The following CADPS2 variants were observed in gnomAD, a reference collection of about 807,000 sequenced individuals.
CADPS2 encodes the protein calcium dependent secretion activator 2, also known as calcium-dependent secretion activator 2.
A neutral mutation model predicts 172.5 loss-of-function variants in CADPS2; 93 were observed. The observed-to-expected ratio is 0.54, with a 90% CI of 0.46 to 0.64. CADPS2 has a LOEUF of 0.64. Among genes scored for constraint, CADPS2 ranks in the 30% least tolerant of loss-of-function variants. CADPS2 has a pLI of 0.00. For synonymous variants in CADPS2, 546 were observed against 555.2 expected (o/e 0.98, Z 0.23); for missense variants, 1,420 against 1,565.9 (o/e 0.91, Z 1.57).
intron 6 of CADPS2, among the ~76,000 whole-genome samples, chr7:122,588,519 G>A (rs1164011425): frequency 6.6e-6 from 1 of 151,726 alleles, no homozygotes; most frequent in African/African-American, 2.4e-5. Flanking sequence ...TCCAACTCTA[G>A]TTAAATTATC....
At chr7:122,556,199 C>T (rs1179390694) in intron 7 of CADPS2, among the ~76,000 whole-genome samples, 1 of 151,982 alleles carries the variant, frequency 6.6e-6, no homozygotes, top group Admixed American at 6.6e-5. Context: ...TTTACAGATT[C>T]TTTCTTAAGT....
chr7:122,466,177 C>T (rs1420387774), intron 14 of CADPS2, among the ~76,000 whole-genome samples: 1 of 152,150 alleles, frequency 6.6e-6, no homozygotes, highest in African/African-American at 2.4e-5. Flanking sequence ...CTAATATATA[C>T]TAAAAAATTT....
chr7:122,371,349 C>A (rs6949334), intron 25 of CADPS2, among the ~76,000 whole-genome samples: 2 of 152,054 alleles, frequency 1.3e-5, no homozygotes, highest in African/African-American at 2.4e-5. Context: ...GAGGCCTTAG[C>A]AAACTTACAA....
intron 14 of CADPS2, among the ~76,000 whole-genome samples, chr7:122,454,580 T>C (rs1035519605): frequency 2.6e-5 from 4 of 152,282 alleles, no homozygotes; most frequent in Middle Eastern, 3.4e-3. Context: ...TAAAAACCAA[T>C]GACATTTAAA....
At chr7:122,339,600 G>A (rs190937707) in intron 28 of CADPS2, among the ~76,000 whole-genome samples, 60 of 152,240 alleles carry the variant, frequency 3.9e-4, no homozygotes, top group African/African-American at 1.3e-3. Flanking sequence ...CAAAAGTTCC[G>A]GGCAGGCCGG....
At chr7:122,676,539 A>C (rs2082400300) in intron 2 of CADPS2, 1 of 559,896 alleles carries the variant, frequency 1.8e-6, no homozygotes, top group South Asian at 3.2e-5. Context: ...ATGTTCAAGC[A>C]GCAGTTGGAG....
chr7:122,695,573 C>T (rs1312961630), intron 2 of CADPS2, among the ~76,000 whole-genome samples: 1 of 152,160 alleles, frequency 6.6e-6, no homozygotes, highest in African/African-American at 2.4e-5. Context: ...ATGTAAAGTG[C>T]TTAGTCCTCT....
chr7:122,617,956 T>C (rs1587870429), intron 5 of CADPS2, among the ~76,000 whole-genome samples: 1 of 151,306 alleles, frequency 6.6e-6, no homozygotes, highest in African/African-American at 2.4e-5. Context: ...GGCAGGAGAA[T>C]GGTGTTAACC....
At chr7:122,543,336 TG>T (rs1363981888) in intron 8 of CADPS2, among the ~76,000 whole-genome samples, 1 of 152,116 alleles carries the variant, frequency 6.6e-6, no homozygotes, top group Non-Finnish European at 1.5e-5. Context: ...TCCATTTCAG[TG>T]GGGCAAGTAA....
chr7:122,730,625 C>T (rs969314316), intron 2 of CADPS2, among the ~76,000 whole-genome samples: 1 of 151,624 alleles, frequency 6.6e-6, no homozygotes, highest in Non-Finnish European at 1.5e-5. Context: ...TTAAAGTATG[C>T]TAATGTCATA....
At chr7:122,494,673 C>T (rs2058591440) in intron 9 of CADPS2, among the ~76,000 whole-genome samples, 1 of 151,464 alleles carries the variant, frequency 6.6e-6, no homozygotes, top group Non-Finnish European at 1.5e-5. Flanking sequence ...TATTTTAAAT[C>T]AGAAAAAAGA....
chr7:122,503,071 G>A (rs911805130), intron 9 of CADPS2, among the ~76,000 whole-genome samples: 32 of 140,570 alleles, frequency 2.3e-4, no homozygotes, highest in Non-Finnish European at 3.2e-4. Flanking sequence ...TCGCTCTGTC[G>A]CCCAGGCTGG....
Position 122,771,825 on chromosome 7 carries a change from C to T in CADPS2, c.340-34757G>A, listed in dbSNP as rs79828080. Among the ~76,000 whole-genome samples the T allele has an allele frequency of 6.4e-3, 974 of 152,254 alleles. 9 individuals are homozygous for T. The highest frequency in any genetic ancestry group is 0.022 in the African/African-American group (928 of 41,542). ...AAGAGAAACTGTGGGTACCTGACAACAGTCCAAGCTGGAAATAACACAGAA... is the reference window on the plus strand; with the variant it reads ...AAGAGAAACTGTGGGTACCTGACAATAGTCCAAGCTGGAAATAACACAGAA... On this transcript the variant is annotated intron_variant, in intron 1 of 29. Coordinates refer to ENST00000449022, the MANE Select transcript of CADPS2 (RefSeq NM_017954.11).
intron 14 of CADPS2, 118 bp downstream of exon 14, chr7:122,471,257 T>C (rs1355022451): frequency 2.2e-6 from 1 of 447,950 alleles, no homozygotes; most frequent in Non-Finnish European, 3.6e-6. Flanking sequence ...TTTTTTTTCC[T>C]TGTAAGAAGT....
In CADPS2 at chr7:122,414,111, G is replaced by A. The variant is rs145831347; in HGVS notation, c.2581-35C>T. The A allele has an allele frequency of 1.4e-3, 2,153 of 1,487,588 alleles. 16 individuals are homozygous for A. The African/African-American group carries it at 0.02, about 14-fold the overall frequency. 92.1% of individuals were successfully genotyped at this position (1,487,588 alleles called of 1,614,324 possible). A position where few individuals can be genotyped will look rare whatever the true frequency, so the allele number is the denominator to read the frequency against. On this transcript the variant is annotated intron_variant, in intron 18 of 29. Coordinates refer to ENST00000449022, the MANE Select transcript of CADPS2 (RefSeq NM_017954.11). ...TCCAAGAATTTGGAAGCATTGCAGA[G>A]TAGAACAATTGCCATAGTGTTACAA...
At chr7:122,403,001 A>G (rs749789618) in intron 20 of CADPS2, among the ~76,000 whole-genome samples, 5 of 152,238 alleles carry the variant, frequency 3.3e-5, no homozygotes, top group Non-Finnish European at 7.3e-5. Flanking sequence ...TACTAAAAGA[A>G]TAGAAGTTCA....
At chr7:122,726,270 TGA>T in intron 2 of CADPS2, among the ~76,000 whole-genome samples, 1 of 152,182 alleles carries the variant, frequency 6.6e-6, no homozygotes, top group South Asian at 2.1e-4. Context: ...ATAAGTACTT[TGA>T]TAATCAATAC....
chr7:122,848,082 T>A (rs920676383), intron 1 of CADPS2, among the ~76,000 whole-genome samples: 1 of 152,250 alleles, frequency 6.6e-6, no homozygotes, highest in African/African-American at 2.4e-5. Context: ...TTCATCATCA[T>A]ATGCAATATT....
At chr7:122,587,861 C>A (rs572703135) in intron 6 of CADPS2, among the ~76,000 whole-genome samples, 55 of 152,232 alleles carry the variant, frequency 3.6e-4, no homozygotes, top group Admixed American at 2.9e-3. Context: ...TTCTCTGCAA[C>A]CTTGCTAACA....
Sources: allele counts gnomAD v4.1 joint callset (sites outside exome capture counted in the v4.1 genomes callset), GRCh38; gene constraint gnomAD v4.1.1; transcripts MANE v1.5; gene names NCBI Gene and HGNC (gene_info 2026-07-23, HGNC 2026-07-21).